PLEKHA6: variants seen among roughly 807,000 people sequenced by gnomAD.
PLEKHA6 encodes pleckstrin homology domain containing A6, also known as pleckstrin homology domain-containing family A member 6.
In PLEKHA6, 60 loss-of-function variants were observed where a neutral mutation model predicts 116.7. The ratio of observed to expected loss-of-function variants is 0.51; its 90% CI spans 0.42 to 0.64. PLEKHA6 has a LOEUF of 0.64. Among genes scored for constraint, PLEKHA6 ranks in the 30% least tolerant of loss-of-function variants. The pLI, the probability that PLEKHA6 is intolerant of heterozygous loss-of-function variation, is 0.00. For synonymous variants in PLEKHA6, 489 were observed against 556.1 expected, an observed-to-expected ratio of 0.88 and a Z score of 1.70; for missense variants, 1,338 against 1,422.7, an observed-to-expected ratio of 0.94 and a Z score of 0.96.
chr1:204,241,894 T>G, intron 15 of PLEKHA6, 80 bp from the exon 16 acceptor site: 1 of 1,480,338 alleles, frequency 6.8e-7, no homozygotes, highest in East Asian at 2.3e-5. Flanking sequence ...TCTTTGTTTT[T>G]TAATGGTTGA....
At chr1:204,264,471 A>G (rs1666530809) in intron 6 of PLEKHA6, among the ~76,000 whole-genome samples, 1 of 152,188 alleles carries the variant, frequency 6.6e-6, no homozygotes. Context: ...AAATTTGAGT[A>G]ACTTTGACTT....
In PLEKHA6 at chr1:204,234,994, ATATATATATATATATATATC is replaced by A. The variant is rs1193824164; in HGVS notation, c.2410-4428_2410-4409del. On this transcript the variant is annotated intron_variant, in intron 17 of 22. Coordinates refer to ENST00000272203, the MANE Select transcript of PLEKHA6 (RefSeq NM_014935.5). ...TATATATATATATATATATATATAT[ATATATATATATATATATATC>A]TAATAGCAGATATATATATATATCT... 1.3e-3 allele frequency among the ~76,000 whole-genome samples: 30 copies of A among 23,124 alleles called. 1 individual carries two copies. The highest frequency in any genetic ancestry group is 1.3e-3 in the Non-Finnish European group (16 of 12,774). The allele number at this position is 23,124 out of a possible 152,430, so 15.2% of individuals were successfully genotyped here.
chr1:204,255,545 G>A (rs1665159993), intron 9 of PLEKHA6: 2 of 686,496 alleles, frequency 2.9e-6, no homozygotes, highest in South Asian at 3.1e-5. Context: ...TCAAATGGCT[G>A]GAAGATGAGG....
At chr1:204,314,984 G>T (rs970696509) in intron 1 of PLEKHA6, among the ~76,000 whole-genome samples, 2 of 152,168 alleles carry the variant, frequency 1.3e-5, no homozygotes, top group African/African-American at 4.8e-5. Flanking sequence ...GGCTCGGAAC[G>T]CTGGCACACA....
Position 204,248,848 on chromosome 1 carries a change from G to A in PLEKHA6, c.1797C>T (p.Ile599=), listed in dbSNP as rs1170727281. Residue 599 remains isoleucine (I), a synonymous_variant, in exon 12 of 23, where the codon ATC becomes ATT. Coordinates refer to ENST00000272203, the MANE Select transcript of PLEKHA6 (RefSeq NM_014935.5). ...KDSLQNQLIN[I]RVELSQATTA... ...TGGTCGCCTGAGACAGCTCCACGCG[G>A]ATGTTGATGAGCTGGTTCTGCAGTG... is the stretch of plus-strand genomic sequence containing the variant. 1.2e-6 allele frequency: 2 copies of A among 1,613,916 alleles called. No homozygotes were observed. The highest frequency in any genetic ancestry group is 3.3e-5 in the Admixed American group (2 of 60,008).
intron 3 of PLEKHA6, among the ~76,000 whole-genome samples, chr1:204,366,295 T>C (rs1673645521): frequency 6.6e-6 from 1 of 152,030 alleles, no homozygotes; most frequent in Admixed American, 6.5e-5. Flanking sequence ...ATTCAGTCTA[T>C]AACTGTCATG....
At chr1:204,352,167 A>G (rs1673300828) in intron 1 of PLEKHA6, among the ~76,000 whole-genome samples, 1 of 151,990 alleles carries the variant, frequency 6.6e-6, no homozygotes, top group South Asian at 2.1e-4. Context: ...TGAGGCCAGG[A>G]ATTTGAGACC....
intron 17 of PLEKHA6, among the ~76,000 whole-genome samples, chr1:204,230,889 T>A (rs1661092877): frequency 6.6e-6 from 1 of 152,100 alleles, no homozygotes; most frequent in African/African-American, 2.4e-5. Flanking sequence ...ATCGGAGTGG[T>A]TCATTTACTC....
chr1:204,243,347 GACA>G (rs1663129002), intron 15 of PLEKHA6: 1 of 399,334 alleles, frequency 2.5e-6, no homozygotes, highest in African/African-American at 2.1e-5. Context: ...GCAGGAGGCA[GACA>G]ACAACATTGC....
At chr1:204,339,523 G>A (rs570093470) in intron 1 of PLEKHA6, among the ~76,000 whole-genome samples, 19 of 152,278 alleles carry the variant, frequency 1.2e-4, no homozygotes, top group Non-Finnish European at 2.2e-4. Flanking sequence ...GGGAGAGGAG[G>A]GAATCAGTTA....
chr1:204,243,311 T>C, intron 15 of PLEKHA6: 1 of 399,758 alleles, frequency 2.5e-6, no homozygotes, highest in East Asian at 3.6e-5. Context: ...GAGCAGCCAC[T>C]GTGAGAGCAG....
At chr1:204,255,802 C>T in intron 9 of PLEKHA6, 1 of 652,994 alleles carries the variant, frequency 1.5e-6, no homozygotes, top group Non-Finnish European at 2.8e-6. Flanking sequence ...GGAGAGGCTT[C>T]TCCCTCTGCC....
At position 204,249,222 on chromosome 1, in the gene PLEKHA6, C is replaced by G; in HGVS notation, c.1636G>C (p.Glu546Gln). 1 of 1,613,982 alleles carries G rather than the reference C, an allele frequency of 6.2e-7. No homozygotes were observed. Among genetic ancestry groups the G allele is most frequent in the South Asian group, 1.1e-5 (1 of 91,072 alleles). ...KLCEQNKVVR[E>Q]QDRLVQQLRA... The stretch of plus-strand genomic sequence containing the variant: ...AGCTGCTGCACCAGCCGGTCCTGCT[C>G]CCTCACCACCTTGTTCTGCTCACAC... Residue 546 changes from glutamate (E) to glutamine (Q), a missense_variant, in exon 11 of 23, where the codon GAG (glutamate) becomes CAG (glutamine). Transcript: ENST00000272203.
At chr1:204,231,947 C>T (rs1571766818) in intron 17 of PLEKHA6, among the ~76,000 whole-genome samples, 1 of 152,062 alleles carries the variant, frequency 6.6e-6, no homozygotes, top group African/African-American at 2.4e-5. Flanking sequence ...TCTGTGGTGG[C>T]TGAATCCATG....
In PLEKHA6 at chr1:204,375,815, G is replaced by C. The variant is rs1673858783; in HGVS notation, c.83+1768C>G. On this transcript the variant is annotated intron_variant, in intron 1 of 4. Coordinates refer to the PLEKHA6 transcript ENST00000564627. ...CCTGGTCCTCTACAGTATTTCAGCAGCTCCACTCCGTCTCCACTGAACCTC... is the reference window on the plus strand; with the variant it reads ...CCTGGTCCTCTACAGTATTTCAGCACCTCCACTCCGTCTCCACTGAACCTC... Among the ~76,000 whole-genome samples the C allele has an allele frequency of 2.0e-5, 3 of 151,386 alleles. 1 individual carries two copies. In the South Asian group the frequency reaches 6.3e-4, roughly 32 times the overall value.
intron 2 of PLEKHA6, among the ~76,000 whole-genome samples, chr1:204,370,995 A>C (rs1673762467): frequency 6.7e-6 from 1 of 149,120 alleles, no homozygotes; most frequent in Admixed American, 6.8e-5. Context: ...CAGAGGTTGC[A>C]GTGAGCCGAG....
chr1:204,310,912 C>T (rs565772782), intron 1 of PLEKHA6, among the ~76,000 whole-genome samples: 2 of 152,250 alleles, frequency 1.3e-5, no homozygotes, highest in East Asian at 1.9e-4. Context: ...AGAATGCCTC[C>T]GGTGATGATG....
chr1:204,312,580 C>T (rs1035160411), intron 1 of PLEKHA6, among the ~76,000 whole-genome samples: 1 of 152,184 alleles, frequency 6.6e-6, no homozygotes, highest in African/African-American at 2.4e-5. Context: ...ACAACGTTCA[C>T]CTGGGTCCTG....
chr1:204,335,530 G>A (rs1297160189), intron 1 of PLEKHA6, among the ~76,000 whole-genome samples: 4 of 152,106 alleles, frequency 2.6e-5, no homozygotes, highest in African/African-American at 9.7e-5. Context: ...CGCAGTGGCC[G>A]CTGCACCTCT....
Sources: allele counts gnomAD v4.1 joint callset (sites outside exome capture counted in the v4.1 genomes callset), GRCh38; gene constraint gnomAD v4.1.1; transcripts MANE v1.5; gene names NCBI Gene and HGNC (gene_info 2026-07-23, HGNC 2026-07-21).